Variants in IPO11 observed in about 807,000 individuals in gnomAD.
IPO11 encodes importin-11.
A neutral mutation model predicts 143.2 loss-of-function variants in IPO11; 66 were observed. The observed-to-expected ratio is 0.46, with a 90% CI of 0.38 to 0.57. IPO11 has a LOEUF of 0.57. IPO11 is among the 20% of genes least tolerant of loss of function. The pLI is 0.00. For synonymous variants in IPO11, 385 were observed against 377.8 expected (o/e 1.02, Z -0.22); for missense variants, 1,026 against 1,141.0 (o/e 0.90, Z 1.45).
intron 24 of IPO11, among the ~76,000 whole-genome samples, chr5:62,543,161 G>A (rs762639287): frequency 6.6e-5 from 10 of 152,118 alleles, no homozygotes; most frequent in Non-Finnish European, 1.2e-4. Context: ...GGATCCATGC[G>A]TTTAATCACT....
At chr5:62,453,705 C>T (rs972037690) in intron 5 of IPO11, among the ~76,000 whole-genome samples, 7 of 152,180 alleles carry the variant, frequency 4.6e-5, no homozygotes, top group African/African-American at 1.4e-4. Context: ...CTGAACCACA[C>T]CTTTGGAATC....
At chr5:62,537,972 C>T (rs902881431) in intron 24 of IPO11, among the ~76,000 whole-genome samples, 7 of 151,952 alleles carry the variant, frequency 4.6e-5, no homozygotes, top group South Asian at 4.2e-4. Flanking sequence ...TGTATACATA[C>T]GTAACAAACC....
chr5:62,483,327 TTTAATC>T, intron 10 of IPO11, 34 bp downstream of exon 10: 1 of 1,302,926 alleles, frequency 7.7e-7, no homozygotes, highest in Non-Finnish European at 1.1e-6. Flanking sequence ...AAAGAATTAT[TTTAATC>T]TTAAGTGTGA....
intron 23 of IPO11, 85 bp from the exon 24 acceptor site, chr5:62,537,124 T>C: frequency 1.2e-6 from 1 of 808,734 alleles, no homozygotes; most frequent in South Asian, 1.7e-5. Flanking sequence ...CTCAAGTATA[T>C]TATAATGAAT....
chr5:62,525,845 C>G (rs1369368681), intron 20 of IPO11, among the ~76,000 whole-genome samples: 4 of 152,098 alleles, frequency 2.6e-5, no homozygotes, highest in Admixed American at 1.3e-4. Flanking sequence ...TCTGTAGAGA[C>G]AGGGAGAGGA....
intron 27 of IPO11, among the ~76,000 whole-genome samples, chr5:62,570,916 A>C (rs1386923459): frequency 2.0e-5 from 3 of 152,206 alleles, no homozygotes; most frequent in Non-Finnish European, 4.4e-5. Flanking sequence ...ACTGCTTTAC[A>C]ATGAGAATAA....
intron 27 of IPO11, among the ~76,000 whole-genome samples, chr5:62,570,870 A>G (rs1744110001): frequency 6.6e-6 from 1 of 152,242 alleles, no homozygotes; most frequent in South Asian, 2.1e-4. Context: ...CTAAACTGTG[A>G]TCAAATGAGA....
At chr5:62,434,061 T>C (rs917659414) in intron 1 of IPO11, among the ~76,000 whole-genome samples, 1 of 152,184 alleles carries the variant, frequency 6.6e-6, no homozygotes, top group African/African-American at 2.4e-5. Flanking sequence ...TTCCTGCCCT[T>C]TTCTCCAACT....
At chr5:62,571,552 G>A (rs1441856444) in intron 27 of IPO11, among the ~76,000 whole-genome samples, 3 of 152,184 alleles carry the variant, frequency 2.0e-5, no homozygotes, top group Non-Finnish European at 4.4e-5. Context: ...AAGAGTTTAT[G>A]TGTGAAGAAA....
chr5:62,619,288 T>A (rs1407761126), intron 29 of IPO11, among the ~76,000 whole-genome samples: 1 of 152,186 alleles, frequency 6.6e-6, no homozygotes, highest in East Asian at 1.9e-4. Flanking sequence ...CACACTTCTT[T>A]CTTCTTTTGT....
chr5:62,606,446 ACT>A lies in IPO11; in HGVS notation c.2763+4600_2763+4601del, dbSNP rs1745717882. ...AGTGAGCCAAAATCATGCCACTGGTACTCCAGCCTAGACAACAGAACGAGACC... is the reference window on the plus strand; with the variant it reads ...AGTGAGCCAAAATCATGCCACTGGTACCAGCCTAGACAACAGAACGAGACC... On this transcript the variant is annotated intron_variant, in intron 29 of 29. Transcript: ENST00000325324. 5.9e-5 allele frequency among the ~76,000 whole-genome samples: 8 copies of A among 136,198 alleles called. No homozygotes were observed. In the East Asian group the frequency reaches 1.3e-3, roughly 23 times the overall value. The allele number at this position is 136,198 out of a possible 152,430, so 89.4% of individuals were successfully genotyped here.
intron 19 of IPO11, among the ~76,000 whole-genome samples, chr5:62,514,327 C>T (rs1741919244): frequency 6.6e-6 from 1 of 152,110 alleles, no homozygotes; most frequent in Non-Finnish European, 1.5e-5. Flanking sequence ...AATGAGACTC[C>T]GTCTGCAATC....
chr5:62,457,034 C>A (rs1745185236), intron 5 of IPO11, among the ~76,000 whole-genome samples: 1 of 152,264 alleles, frequency 6.6e-6, no homozygotes, highest in South Asian at 2.1e-4. Context: ...GAGCCGAGAT[C>A]ACGCCACTGC....
intron 24 of IPO11, among the ~76,000 whole-genome samples, chr5:62,538,725 A>G (rs1271172211): frequency 6.6e-6 from 1 of 152,210 alleles, no homozygotes; most frequent in Non-Finnish European, 1.5e-5. Context: ...ATTAACCAGT[A>G]AGATACCATC....
At chr5:62,489,443 C>A in intron 14 of IPO11, 94 bp downstream of exon 14, 1 of 765,042 alleles carries the variant, frequency 1.3e-6, no homozygotes, top group Non-Finnish European at 2.1e-6. Context: ...TGTTGAGATA[C>A]AAGAGTAACT....
chr5:62,485,453 T>C lies in IPO11; in HGVS notation c.1209T>C (p.Tyr403=), dbSNP rs1746363595. The C allele has an allele frequency of 1.7e-5, 28 of 1,607,782 alleles. No homozygotes were observed. Among genetic ancestry groups the C allele is most frequent in the Non-Finnish European group, 2.4e-5 (28 of 1,174,504 alleles). Residue 403 remains tyrosine, a synonymous_variant, in exon 12 of 30, where the codon TAT becomes TAC. Coordinates refer to ENST00000325324, the MANE Select transcript of IPO11 (RefSeq NM_016338.5). ...VEETGGDSWK[Y]SLRPCTEVLF... ...AAACAGGAGGAGATTCTTGGAAATATAGTTTGAGGGTAAGTATTAATTGCA... is the reference window on the plus strand; with the variant it reads ...AAACAGGAGGAGATTCTTGGAAATACAGTTTGAGGGTAAGTATTAATTGCA...
At chr5:62,457,431 A>G (rs1310808546) in intron 5 of IPO11, among the ~76,000 whole-genome samples, 1 of 152,162 alleles carries the variant, frequency 6.6e-6, no homozygotes, top group Non-Finnish European at 1.5e-5. Flanking sequence ...CTGTAGTGAT[A>G]TATGATTGTA....
At chr5:62,454,553 C>T (rs1262657424) in intron 5 of IPO11, among the ~76,000 whole-genome samples, 2 of 152,182 alleles carry the variant, frequency 1.3e-5, no homozygotes, top group South Asian at 4.1e-4. Context: ...ACAGATTGTA[C>T]AGATAATCAG....
chr5:62,449,892 T>A (rs1391125321), intron 3 of IPO11, 35 bp from the exon 4 acceptor site: 2 of 1,371,420 alleles, frequency 1.5e-6, no homozygotes, highest in Non-Finnish European at 2.0e-6. Flanking sequence ...TAGGTGGCAT[T>A]CTTTTGCATA....
Sources: gnomAD v4.1 joint callset for allele counts (sites outside exome capture counted in the v4.1 genomes callset) on GRCh38, gnomAD v4.1.1 for gene constraint, MANE v1.5 for transcripts, NCBI Gene and HGNC (gene_info 2026-07-23, HGNC 2026-07-21) for gene names.